The following PARPBP variants were observed in gnomAD, a reference collection of about 807,000 sequenced individuals.
PARPBP encodes the protein PARP1 binding protein.
PARPBP carries 52 observed loss-of-function variants against 50.0 expected under a neutral mutation model. The observed-to-expected ratio is 1.04, with a 90% CI of 0.83 to 1.31. The LOEUF (loss-of-function observed/expected upper bound fraction) is 1.31. Among genes scored for constraint, PARPBP ranks in the 50% most tolerant of loss-of-function variants. The pLI is 0.00. For missense variants in PARPBP, 697 were observed against 672.0 expected (o/e 1.04, Z -0.41); for synonymous variants, 244 against 232.1 (o/e 1.05, Z -0.47).
intron 2 of PARPBP, among the ~76,000 whole-genome samples, chr12:102,137,880 A>T (rs1420393601): frequency 6.6e-6 from 1 of 152,194 alleles, no homozygotes; most frequent in Non-Finnish European, 1.5e-5. Context: ...TATATGTGCC[A>T]TATTTTCTTA....
chr12:102,151,841 A>C (rs942931780), intron 3 of PARPBP: 9 of 1,416,820 alleles, frequency 6.4e-6, no homozygotes, highest in Non-Finnish European at 4.8e-6. Context: ...AACATTGAAG[A>C]AGCCACCTGG....
At chr12:102,195,242 GTGTC>G in intron 9 of PARPBP, 66 bp from the exon 10 acceptor site, 1 of 955,200 alleles carries the variant, frequency 1.0e-6, no homozygotes, top group East Asian at 2.5e-5. Flanking sequence ...TATAGAGTGT[GTGTC>G]TATCTAGATG....
At chr12:102,174,143 A>G (rs982277710) in intron 6 of PARPBP, among the ~76,000 whole-genome samples, 2 of 151,434 alleles carry the variant, frequency 1.3e-5, no homozygotes, top group South Asian at 2.1e-4. Context: ...CAAGGAGCTG[A>G]TTTTTTCATG....
intron 2 of PARPBP, among the ~76,000 whole-genome samples, chr12:102,147,662 A>G (rs112299185): frequency 0.022 from 3,400 of 152,100 alleles, 113 homozygotes; most frequent in African/African-American, 0.067. Context: ...ATATGTATAC[A>G]TATGTAACTA....
intron 4 of PARPBP, among the ~76,000 whole-genome samples, chr12:102,155,877 T>A (rs549989106): frequency 6.6e-6 from 1 of 152,318 alleles, no homozygotes; most frequent in African/African-American, 2.4e-5. Flanking sequence ...CCCAAGCGGC[T>A]AAAGGCTTGC....
At chr12:102,195,525 G>A (rs2137617748) in intron 10 of PARPBP, 78 bp downstream of exon 10, 1 of 1,137,114 alleles carries the variant, frequency 8.8e-7, no homozygotes, top group East Asian at 2.5e-5. Context: ...GTAAAATTAG[G>A]TTATTTTTGC....
chr12:102,164,824 A>G (rs1887972819), intron 5 of PARPBP: 5 of 580,648 alleles, frequency 8.6e-6, no homozygotes, highest in Admixed American at 3.0e-5. Context: ...TATGTTCTGT[A>G]TAGTGCTAGC....
chr12:102,162,481 C>T (rs186835229), intron 4 of PARPBP, among the ~76,000 whole-genome samples: 11 of 152,018 alleles, frequency 7.2e-5, no homozygotes, highest in East Asian at 1.9e-4. Flanking sequence ...AAGGTGGGAT[C>T]GAAGTAGTTG....
intron 8 of PARPBP, among the ~76,000 whole-genome samples, chr12:102,180,322 C>G (rs1889704439): frequency 6.6e-6 from 1 of 152,174 alleles, no homozygotes; most frequent in Non-Finnish European, 1.5e-5. Flanking sequence ...TCAATTTTCT[C>G]TCAGACTGAA....
At chr12:102,164,389 A>G (rs1887908312) in intron 4 of PARPBP, 49 bp from the exon 5 acceptor site, 1 of 1,357,284 alleles carries the variant, frequency 7.4e-7, no homozygotes, top group South Asian at 1.2e-5. Context: ...AAGATTATGG[A>G]TTTAGAAGAA....
At chr12:102,147,295 A>G (rs1224421893) in intron 2 of PARPBP, among the ~76,000 whole-genome samples, 3 of 152,172 alleles carry the variant, frequency 2.0e-5, no homozygotes, top group Non-Finnish European at 4.4e-5. Context: ...TATTCACAAT[A>G]GCAAAGACTT....
At chr12:102,131,918 G>C (rs1882913811) in intron 2 of PARPBP, among the ~76,000 whole-genome samples, 1 of 152,022 alleles carries the variant, frequency 6.6e-6, no homozygotes, top group Non-Finnish European at 1.5e-5. Flanking sequence ...AAAATAATCT[G>C]TACAGCTGGG....
chr12:102,165,917 T>A lies in PARPBP; in HGVS notation c.821+34T>A, dbSNP rs758596313. 3.7e-6 allele frequency: 5 copies of A among 1,339,180 alleles called. No homozygotes were observed. The African/African-American group carries it at 7.3e-5, about 20-fold the overall frequency. 83.0% of individuals were successfully genotyped at this position (1,339,180 alleles called of 1,614,324 possible). A position where few individuals can be genotyped will look rare whatever the true frequency, so the allele number is the denominator to read the frequency against. On this transcript the variant is annotated intron_variant, in intron 6 of 10. Transcript: ENST00000327680. ...TTTTCATATATTACAAATATGTTTT[T>A]AATCTATCTTTAAAACTTTACAGAA...
At chr12:102,130,629 G>A (rs1385583998) in intron 2 of PARPBP, among the ~76,000 whole-genome samples, 7 of 152,112 alleles carry the variant, frequency 4.6e-5, no homozygotes, top group Non-Finnish European at 7.4e-5. Context: ...TGAGGCAGGC[G>A]GATCACTTGA....
At chr12:102,174,787 A>G (rs546676466) in intron 6 of PARPBP, among the ~76,000 whole-genome samples, 2 of 152,272 alleles carry the variant, frequency 1.3e-5, no homozygotes, top group Admixed American at 1.3e-4. Context: ...CCAAACTCTT[A>G]ATTTTAGGTG....
rs1250115760 is a variant in PARPBP, at chr12:102,196,042, A to C, written c.1491A>C (p.Arg497Ser). ...GAAGTAAAAATGAAAAAGTATCAAGAAAATCAACCAGTCAGACAGGAAATA... is the reference window on the plus strand; with the variant it reads ...GAAGTAAAAATGAAAAAGTATCAAGCAAATCAACCAGTCAGACAGGAAATA... ...LDRSKNEKVSRKSTSQTGNKS... is the reference protein window; with the variant it reads ...LDRSKNEKVSSKSTSQTGNKS... The change falls in exon 11 of 11, where the codon AGA becomes AGC. Residue 497 changes from arginine to serine, a missense_variant. Arg to Ser is a moderately radical substitution (Grantham distance 110). Transcript: ENST00000327680. 6.2e-7 allele frequency: 1 copy of C among 1,611,586 alleles called. No individual in the cohort carries two copies. Among genetic ancestry groups the C allele is most frequent in the Admixed American group, 1.7e-5 (1 of 59,736 alleles).
rs1340856782 is a variant in PARPBP at position 102,123,947 on chromosome 12, G to A, written c.59G>A (p.Trp20Ter). 1.3e-6 allele frequency: 2 copies of A among 1,534,810 alleles called. No individual in the cohort carries two copies. The highest frequency in any genetic ancestry group is 1.7e-6 in the Non-Finnish European group (2 of 1,145,918). Residue 20 changes from tryptophan to a stop codon, truncating the protein, a stop_gained, in exon 2 of 11, where the codon TGG becomes TAG. Transcript: ENST00000327680. LOFTEE classifies it high-confidence loss of function. ...ATGATTAAAGAGTTTCGAAAAAATTGGCGTGCTCTTTGTAACTCTGAGAGA... is the reference window on the plus strand; with the variant it reads ...ATGATTAAAGAGTTTCGAAAAAATTAGCGTGCTCTTTGTAACTCTGAGAGA... ...SDMIKEFRKNWRALCNSERTT... is the reference protein window; with the variant it reads ...SDMIKEFRKN
chr12:102,120,209 C>G lies in PARPBP; in HGVS notation c.-81C>G. The stretch of plus-strand genomic sequence containing the variant: ...TATTCAGCGGCGACAGCGGCGACTG[C>G]GGCGGCCGCGGGAGGGCATCCCGTT... On this transcript the variant is annotated 5_prime_UTR_variant, in exon 1 of 11. Transcript: ENST00000327680. 1 of 226,698 alleles carries G rather than the reference C, an allele frequency of 4.4e-6. No homozygotes were observed. Among genetic ancestry groups the G allele is most frequent in the Non-Finnish European group, 9.4e-6 (1 of 106,344 alleles). The allele number at this position is 226,698 out of a possible 1,614,324, so 14.0% of individuals were successfully genotyped here.
chr12:102,172,342 T>C (rs2136493938), intron 6 of PARPBP, among the ~76,000 whole-genome samples: 1 of 152,370 alleles, frequency 6.6e-6, no homozygotes, highest in South Asian at 2.1e-4. Flanking sequence ...CAGTAGTTCA[T>C]TGTATCATTA....
Sources: allele counts gnomAD v4.1 joint callset (sites outside exome capture counted in the v4.1 genomes callset), GRCh38; gene constraint gnomAD v4.1.1; transcripts MANE v1.5; gene names NCBI Gene and HGNC (gene_info 2026-07-23, HGNC 2026-07-21).